The following TLE6 variants were observed in gnomAD, a reference collection of about 807,000 sequenced individuals.
TLE6 encodes the protein transducin-like enhancer protein 6.
Under a neutral mutation model 77.1 loss-of-function variants are expected in TLE6, and 72 were observed. That is an observed-to-expected ratio of 0.93 (90% CI 0.77 to 1.14). The LOEUF is 1.14. Among genes scored for constraint, TLE6 ranks in the 50% most tolerant of loss-of-function variants. The pLI, the probability that TLE6 is intolerant of heterozygous loss-of-function variation, is 0.00. For synonymous variants in TLE6, 366 were observed against 287.3 expected (o/e 1.27, Z -2.77); for missense variants, 843 against 747.6 (o/e 1.13, Z -1.49).
rs539789964 is a variant in TLE6, at chr19:2,994,012, C to T, written c.1538-7C>T. 3.7e-5 allele frequency: 59 copies of T among 1,583,362 alleles called. No homozygotes were observed. The East Asian group carries it at 9.9e-4, about 27-fold the overall frequency. On this transcript the variant is annotated splice_polypyrimidine_tract_variant and splice_region_variant and intron_variant, in intron 15 of 16. Transcript: ENST00000246112. The stretch of plus-strand genomic sequence containing the variant: ...TCTAAGTCTCGCTGATGCTCCATTT[C>T]TCCCAGGCCAGTGGTGGGCAAGCGT...
At chr19:2,991,051 T>TATACAC (rs1555686200) in intron 13 of TLE6, among the ~76,000 whole-genome samples, 1 of 149,124 alleles carries the variant, frequency 6.7e-6, no homozygotes, top group Non-Finnish European at 1.5e-5. Context: ...CATATATGTA[T>TATACAC]ACACACACAC....
At chr19:2,988,351 C>T (rs1378047206) in intron 11 of TLE6, among the ~76,000 whole-genome samples, 1 of 152,092 alleles carries the variant, frequency 6.6e-6, no homozygotes, top group Non-Finnish European at 1.5e-5. Flanking sequence ...AATCCCAGCA[C>T]TTTGGGAGGC....
At chr19:2,985,828 C>A (rs545796850) in intron 5 of TLE6, among the ~76,000 whole-genome samples, 1 of 151,024 alleles carries the variant, frequency 6.6e-6, no homozygotes, top group African/African-American at 2.4e-5. Flanking sequence ...GTAATCCCAG[C>A]ACTTTGGGAG....
chr19:2,988,593 C>T (rs1413772472), intron 11 of TLE6, among the ~76,000 whole-genome samples: 1 of 151,948 alleles, frequency 6.6e-6, no homozygotes, highest in African/African-American at 2.4e-5. Flanking sequence ...AAGACTCCGT[C>T]TCAAAAAAAA....
At position 2,989,766 on chromosome 19, in the gene TLE6, C is replaced by T. The variant is rs778997869; in HGVS notation, c.1225C>T (p.Arg409Trp). 18 of 1,613,890 alleles carry T rather than the reference C, an allele frequency of 1.1e-5. No individual in the cohort carries two copies. The highest frequency in any genetic ancestry group is 1.7e-5 in the Admixed American group (1 of 59,960). Residue 409 changes from arginine to tryptophan, a missense_variant, in exon 13 of 17, where the codon CGG becomes TGG. Arg to Trp is a moderately radical substitution (Grantham distance 101, BLOSUM62 -3). Coordinates refer to ENST00000246112, the MANE Select transcript of TLE6 (RefSeq NM_001143986.2). ...TSGVVRIWDLRDQSVVRDLKG... is the reference protein window; with the variant it reads ...TSGVVRIWDLWDQSVVRDLKG... ...TGGTGTGGTCAGGATCTGGGACCTG[C>T]GGGATCAGAGTGTGGTCAGGTGCGT...
chr19:2,994,067 G>C lies in TLE6; in HGVS notation c.1586G>C (p.Ser529Thr). Residue 529 changes from serine (S) to threonine (T), a missense_variant, in exon 16 of 17, where the codon AGC (serine) becomes ACC (threonine). Transcript: ENST00000246112. ...ATGGACGACTTCCTTGGCGTCTACA[G>C]CATGCCGGCGGGGACAAAAGTGTTC... Reference protein sequence around the residue: ...VGMDDFLGVYSMPAGTKVFEV... With the variant: ...VGMDDFLGVYTMPAGTKVFEV... 5 of 1,607,810 alleles carry C rather than the reference G, an allele frequency of 3.1e-6. No individual in the cohort carries two copies. Among genetic ancestry groups the C allele is most frequent in the Non-Finnish European group, 4.2e-6 (5 of 1,177,760 alleles).
chr19:2,992,787 A>G (rs1265694602), intron 14 of TLE6, among the ~76,000 whole-genome samples: 5 of 17,798 alleles, frequency 2.8e-4, no homozygotes, highest in African/African-American at 9.7e-4. Context: ...CTCAAAAAAA[A>G]AAAAAAGGGG....
chr19:2,992,023 C>T (rs967257921), intron 14 of TLE6, 39 bp downstream of exon 14: 1 of 1,603,980 alleles, frequency 6.2e-7, no homozygotes, highest in Non-Finnish European at 8.5e-7. Flanking sequence ...GCCAGGCATC[C>T]TCTGGTCCTC....
In TLE6 at chr19:2,994,965, C is replaced by CT; in HGVS notation, c.1681dup (p.Ser561PhefsTer54). On this transcript the variant is annotated frameshift_variant, in exon 17 of 17. Transcript: ENST00000246112. LOFTEE classifies it high-confidence loss of function. ...CCAACAACCGCCTCGTTGTCACAGG[C>CT]TCCGGGGAGCACGCCTCCGTGTACC... The CT allele has an allele frequency of 6.2e-7, 1 of 1,609,678 alleles. No homozygotes were observed. Among genetic ancestry groups the CT allele is most frequent in the Non-Finnish European group, 8.5e-7 (1 of 1,178,448 alleles).
chr19:2,991,396 A>ACG (rs2089058134), intron 13 of TLE6, among the ~76,000 whole-genome samples: 1 of 57,138 alleles, frequency 1.8e-5, no homozygotes, highest in African/African-American at 4.9e-5. Flanking sequence ...ATATATATAT[A>ACG]CACACACACA....
At chr19:2,983,116 G>A (rs77151659) in intron 5 of TLE6, among the ~76,000 whole-genome samples, 2,040 of 152,300 alleles carry the variant, frequency 0.013, 49 homozygotes, top group African/African-American at 0.046. Flanking sequence ...GCCCAGGGCC[G>A]TGTCTGCAAC....
Position 2,987,714 on chromosome 19 carries a change from C to T in TLE6, c.559-10C>T. 1 of 1,614,136 alleles carries T rather than the reference C, an allele frequency of 6.2e-7. No individual in the cohort carries two copies. Among genetic ancestry groups the T allele is most frequent in the Admixed American group, 1.7e-5 (1 of 60,010 alleles). ...GTCAGCAGGCCTGATGAGACTTTTC[C>T]ATTTTCCAGGGGCAGGAAAGCAAGG... On this transcript the variant is annotated splice_polypyrimidine_tract_variant and intron_variant, in intron 8 of 16. Coordinates refer to ENST00000246112, the MANE Select transcript of TLE6 (RefSeq NM_001143986.2).
In TLE6 at chr19:2,987,936, G is replaced by A. The variant is rs1338343474; in HGVS notation, c.664G>A (p.Gly222Ser). 3.1e-6 allele frequency: 5 copies of A among 1,610,660 alleles called. No homozygotes were observed. The South Asian group carries it at 4.4e-5, about 14-fold the overall frequency. ...PPEASSSPPE[G>S]SQDRNTSWGV... is the part of the protein sequence containing the mutation. Reference sequence around the variant, plus strand: ...TGAGGCCTCCTCCAGTCCCCCTGAGGGTTCCCAAGACAGGAACACAAGTTG... The same window carrying A: ...TGAGGCCTCCTCCAGTCCCCCTGAGAGTTCCCAAGACAGGAACACAAGTTG... The change falls in exon 10 of 17, where the codon GGT becomes AGT. Residue 222 changes from glycine (G) to serine (S), a missense_variant. Coordinates refer to ENST00000246112, the MANE Select transcript of TLE6 (RefSeq NM_001143986.2).
chr19:2,990,366 G>A (rs2089017091), intron 13 of TLE6, among the ~76,000 whole-genome samples: 1 of 151,516 alleles, frequency 6.6e-6, no homozygotes, highest in South Asian at 2.1e-4. Flanking sequence ...AGTTAGGGAG[G>A]CCGAGGCAGG....
At chr19:2,991,800 CAG>C in intron 13 of TLE6, 41 bp from the exon 14 acceptor site, 3 of 1,602,986 alleles carry the variant, frequency 1.9e-6, no homozygotes, top group East Asian at 2.2e-5. Flanking sequence ...GCCCAAACCT[CAG>C]AGTCTTGACC....
In TLE6 at chr19:2,994,933, G is replaced by A. The variant is rs753398922; in HGVS notation, c.1648G>A (p.Val550Ile). 99 of 1,606,156 alleles carry A rather than the reference G, an allele frequency of 6.2e-5. No homozygotes were observed. The highest frequency in any genetic ancestry group is 8.1e-5 in the Non-Finnish European group (95 of 1,176,662). ...PEMSPVTCCD[V>I]SSNNRLVVTG... The stretch of plus-strand genomic sequence containing the variant: ...GATGTCTCCAGTCACGTGCTGTGAC[G>A]TCTCTTCCAACAACCGCCTCGTTGT... The change falls in exon 17 of 17, where the codon GTC (valine) becomes ATC (isoleucine). Residue 550 changes from valine (V) to isoleucine (I), a missense_variant. Transcript: ENST00000246112.
chr19:2,989,454 G>C, intron 12 of TLE6, 81 bp from the exon 13 acceptor site: 1 of 1,569,694 alleles, frequency 6.4e-7, no homozygotes, highest in Non-Finnish European at 8.6e-7. Context: ...AGGATGAATA[G>C]GAGTTCGCTC....
chr19:2,983,305 G>C (rs918180365), intron 5 of TLE6, among the ~76,000 whole-genome samples: 1 of 152,218 alleles, frequency 6.6e-6, no homozygotes, highest in Non-Finnish European at 1.5e-5. Context: ...CTTGGGGCGA[G>C]TGGAGCCTGG....
At chr19:2,991,375 C>CAT (rs1568217982) in intron 13 of TLE6, among the ~76,000 whole-genome samples, 7 of 52,858 alleles carry the variant, frequency 1.3e-4, no homozygotes, top group African/African-American at 8.0e-4. Flanking sequence ...AAAAAAAATA[C>CAT]GTATATATAT....
Sources: allele counts gnomAD v4.1 joint callset (sites outside exome capture counted in the v4.1 genomes callset), GRCh38; gene constraint gnomAD v4.1.1; transcripts MANE v1.5; gene names NCBI Gene and HGNC (gene_info 2026-07-23, HGNC 2026-07-21).